The following SGPP1 variants were observed in gnomAD, a reference collection of about 807,000 sequenced individuals.
SGPP1 encodes the protein sphingosine-1-phosphate phosphatase 1.
In SGPP1, 21 loss-of-function variants were observed where a neutral mutation model predicts 33.0. That is an observed-to-expected ratio of 0.64 (90% confidence interval 0.45 to 0.92). SGPP1 has a LOEUF of 0.92. SGPP1 is among the 40% of genes least tolerant of loss of function. The probability of loss-of-function intolerance (pLI) is 0.00; values close to 1 mark genes in which losing one functional copy is unlikely to be tolerated. For synonymous variants in SGPP1, 239 were observed against 241.2 expected (o/e 0.99, Z 0.08); for missense variants, 543 against 589.4 (o/e 0.92, Z 0.81).
intron 1 of SGPP1, among the ~76,000 whole-genome samples, chr14:63,725,026 G>A (rs1566539057): frequency 6.6e-6 from 1 of 151,860 alleles, no homozygotes; most frequent in Non-Finnish European, 1.5e-5. Flanking sequence ...AAGCCATCTT[G>A]TTTTTTGTAC....
intron 1 of SGPP1, among the ~76,000 whole-genome samples, chr14:63,704,450 G>A (rs557218089): frequency 9.8e-5 from 15 of 152,290 alleles, no homozygotes; most frequent in Middle Eastern, 3.4e-3. Flanking sequence ...GTGCTAGGAC[G>A]TCTGAATACC....
At chr14:63,715,926 G>A (rs574114659) in intron 1 of SGPP1, among the ~76,000 whole-genome samples, 1 of 152,302 alleles carries the variant, frequency 6.6e-6, no homozygotes, top group South Asian at 2.1e-4. Context: ...AGAATGGTTA[G>A]AAGGTTATCA....
chr14:63,712,460 T>G (rs1424959514), intron 1 of SGPP1, among the ~76,000 whole-genome samples: 1 of 152,094 alleles, frequency 6.6e-6, no homozygotes, highest in East Asian at 1.9e-4. Flanking sequence ...CACAGCTACT[T>G]GGATCAGGAA....
At chr14:63,690,691 G>A (rs1885076537) in intron 2 of SGPP1, among the ~76,000 whole-genome samples, 1 of 152,132 alleles carries the variant, frequency 6.6e-6, no homozygotes, top group African/African-American at 2.4e-5. Context: ...TGTACTACAT[G>A]ATAGATATAA....
At chr14:63,727,132 G>C (rs1201667006) in intron 1 of SGPP1, 129 bp downstream of exon 1, 1 of 1,393,698 alleles carries the variant, frequency 7.2e-7, no homozygotes, top group Middle Eastern at 2.6e-4. Context: ...CTGTTTGCGA[G>C]TATTGTGAAA....
intron 2 of SGPP1, among the ~76,000 whole-genome samples, chr14:63,687,371 T>C (rs1885002158): frequency 6.6e-6 from 1 of 152,068 alleles, no homozygotes; most frequent in African/African-American, 2.4e-5. Context: ...ACCCAGGAAG[T>C]GGAGGTTGCA....
intron 1 of SGPP1, among the ~76,000 whole-genome samples, chr14:63,721,420 G>A (rs935345851): frequency 2.0e-5 from 3 of 151,972 alleles, no homozygotes; most frequent in African/African-American, 7.3e-5. Context: ...CTCCAGCCTG[G>A]TGACAAGAAC....
Position 63,726,425 on chromosome 14 carries a change from T to C in SGPP1, c.684+836A>G, listed in dbSNP as rs189127308. ...CGATTACCATTAAAAACTCTTCCCT[T>C]GGCAGTTTTCAGAGAGGGTTAAAAA... On this transcript the variant is annotated intron_variant, in intron 1 of 2. Coordinates refer to ENST00000247225, the MANE Select transcript of SGPP1 (RefSeq NM_030791.4). 5.3e-4 allele frequency among the ~76,000 whole-genome samples: 80 copies of C among 152,130 alleles called. No homozygotes were observed. The East Asian group carries it at 0.015, about 29-fold the overall frequency.
chr14:63,718,563 T>C (rs772271435), intron 1 of SGPP1, among the ~76,000 whole-genome samples: 5 of 152,028 alleles, frequency 3.3e-5, no homozygotes, highest in Admixed American at 6.6e-5. Flanking sequence ...CATATATGGA[T>C]ATAAATGCAT....
intron 2 of SGPP1, among the ~76,000 whole-genome samples, chr14:63,693,550 C>T (rs1297834684): frequency 6.6e-6 from 1 of 152,206 alleles, no homozygotes; most frequent in African/African-American, 2.4e-5. Context: ...TAAAGCCATA[C>T]ATATTTACTC....
chr14:63,718,997 TATATATATATATATA>T (rs1566536621), intron 1 of SGPP1, among the ~76,000 whole-genome samples: 7 of 22,412 alleles, frequency 3.1e-4, no homozygotes, highest in Non-Finnish European at 4.5e-4. Context: ...TATATATATA[TATATATATATATATA>T]TATTTTTTTT....
intron 2 of SGPP1, among the ~76,000 whole-genome samples, chr14:63,688,224 G>C (rs1031063357): frequency 1.5e-4 from 22 of 149,362 alleles, no homozygotes; most frequent in African/African-American, 5.2e-4. Context: ...GCTGAGGCAG[G>C]AGAACTGCCT....
At position 63,727,655 on chromosome 14, in the gene SGPP1, A is replaced by G. The variant is rs746223290; in HGVS notation, c.290T>C (p.Leu97Pro). Residue 97 changes from leucine to proline, a missense_variant, in exon 1 of 3, where the codon CTG becomes CCG. Physicochemically the swap from Leu to Pro is moderately conservative, Grantham distance 98. Transcript: ENST00000247225. ...NGVRNGLAAE[L>P]GPASPRRAGA... ...CGCGCGCCGCGGCGAGGCCGGGCCC[A>G]GCTCGGCCGCCAGCCCGTTCCGCAC... is the stretch of plus-strand genomic sequence containing the variant. 8.9e-6 allele frequency: 12 copies of G among 1,346,318 alleles called. No homozygotes were observed. In the Admixed American group the frequency reaches 4.5e-4, roughly 51 times the overall value. 83.4% of individuals were successfully genotyped at this position (1,346,318 alleles called of 1,614,324 possible). A position where few individuals can be genotyped will look rare whatever the true frequency, so the allele number is the denominator to read the frequency against.
intron 1 of SGPP1, 88 bp downstream of exon 1, chr14:63,727,173 C>T: frequency 1.4e-6 from 2 of 1,468,960 alleles, no homozygotes; most frequent in South Asian, 1.4e-5. Context: ...TGGAGGGGAA[C>T]GGTCGAATTA....
At chr14:63,713,449 G>A (rs893601361) in intron 1 of SGPP1, among the ~76,000 whole-genome samples, 1 of 152,128 alleles carries the variant, frequency 6.6e-6, no homozygotes, top group Non-Finnish European at 1.5e-5. Flanking sequence ...TTTGTAAAGA[G>A]CCTGATAGCA....
At chr14:63,708,594 G>C (rs1885463440) in intron 1 of SGPP1, among the ~76,000 whole-genome samples, 2 of 152,048 alleles carry the variant, frequency 1.3e-5, no homozygotes, top group Non-Finnish European at 2.9e-5. Flanking sequence ...CGTTAATTTG[G>C]CTAGACTTTT....
intron 2 of SGPP1, among the ~76,000 whole-genome samples, chr14:63,689,336 G>A (rs1362598740): frequency 6.6e-6 from 1 of 152,018 alleles, no homozygotes; most frequent in Non-Finnish European, 1.5e-5. Context: ...TTTGTTTGTA[G>A]ATACCAGGTT....
At chr14:63,712,162 G>A (rs1885535682) in intron 1 of SGPP1, among the ~76,000 whole-genome samples, 1 of 151,422 alleles carries the variant, frequency 6.6e-6, no homozygotes, top group Non-Finnish European at 1.5e-5. Flanking sequence ...CAAATTGTAA[G>A]GAAATAAAAA....
rs1224738413 is a variant in SGPP1 at position 63,727,582 on chromosome 14, G to A, written c.363C>T (p.Ala121=). The change falls in exon 1 of 3, where the codon GCC becomes GCT. Residue 121 remains alanine, a synonymous_variant. Coordinates refer to ENST00000247225, the MANE Select transcript of SGPP1 (RefSeq NM_030791.4). ...NSLTGEEGQL[A]RVSNWPLYCL... ...AGTAGAGCGGCCAGTTGCTCACGCG[G>A]GCCAGCTGGCCCTCCTCGCCCGTCA... 1.9e-6 allele frequency: 3 copies of A among 1,591,488 alleles called. No individual in the cohort carries two copies. Among genetic ancestry groups the A allele is most frequent in the Non-Finnish European group, 2.6e-6 (3 of 1,171,220 alleles).
Sources: allele counts gnomAD v4.1 joint callset (sites outside exome capture counted in the v4.1 genomes callset), GRCh38; gene constraint gnomAD v4.1.1; transcripts MANE v1.5; gene names NCBI Gene and HGNC (gene_info 2026-07-23, HGNC 2026-07-21).